The following CSMD2 variants were observed in gnomAD, a reference collection of about 807,000 sequenced individuals.
The protein encoded by CSMD2 is CUB and sushi domain-containing protein 2.
Under a neutral mutation model 398.5 loss-of-function variants are expected in CSMD2, and 130 were observed. The observed-to-expected ratio is 0.33, with a 90% CI of 0.28 to 0.38. The LOEUF (loss-of-function observed/expected upper bound fraction) is 0.38, where lower values mean the gene tolerates loss of function less well. Ranked by LOEUF, CSMD2 falls within the 10% of genes least tolerant of loss-of-function variation. CSMD2 has a pLI of 1.00. For synonymous variants in CSMD2, 1,828 were observed against 1,908.5 expected, an observed-to-expected ratio of 0.96 and a Z score of 1.10; for missense variants, 3,829 against 4,764.9, an observed-to-expected ratio of 0.80 and a Z score of 5.78.
At chr1:33,549,926 C>T (rs989251218) in intron 56 of CSMD2, among the ~76,000 whole-genome samples, 3 of 152,154 alleles carry the variant, frequency 2.0e-5, no homozygotes, top group African/African-American at 7.2e-5. Context: ...AAAGTTGTGC[C>T]CCTCCTAGTT....
chr1:33,912,987 A>AT (rs1319762225), intron 5 of CSMD2, among the ~76,000 whole-genome samples: 2 of 151,616 alleles, frequency 1.3e-5, no homozygotes, highest in African/African-American at 4.9e-5. Flanking sequence ...TAATTTTTGT[A>AT]TTTTTTGTAG....
At chr1:33,608,237 C>G (rs1020156671) in intron 41 of CSMD2, among the ~76,000 whole-genome samples, 5 of 152,172 alleles carry the variant, frequency 3.3e-5, no homozygotes, top group Non-Finnish European at 7.3e-5. Flanking sequence ...GTCACACAGG[C>G]ACAACCTTTA....
chr1:33,980,240 C>T (rs1646119292), intron 3 of CSMD2, among the ~76,000 whole-genome samples: 1 of 152,172 alleles, frequency 6.6e-6, no homozygotes, highest in South Asian at 2.1e-4. Flanking sequence ...CATCTTAGAA[C>T]CCAAATCCCT....
chr1:33,961,851 G>C (rs1238836516), intron 3 of CSMD2, among the ~76,000 whole-genome samples: 1 of 152,118 alleles, frequency 6.6e-6, no homozygotes, highest in Non-Finnish European at 1.5e-5. Flanking sequence ...CTGGCACTAT[G>C]CTTCATGTAC....
intron 3 of CSMD2, among the ~76,000 whole-genome samples, chr1:34,027,873 TACATGGGCA>T (rs1649868794): frequency 1.4e-5 from 1 of 70,008 alleles, no homozygotes; most frequent in Non-Finnish European, 3.5e-5. Flanking sequence ...CAGACAGCCC[TACATGGGCA>T]GAGCAGGACA....
chr1:33,799,487 G>A (rs965721829), intron 10 of CSMD2, among the ~76,000 whole-genome samples: 6 of 152,190 alleles, frequency 3.9e-5, no homozygotes, highest in African/African-American at 1.2e-4. Flanking sequence ...GAACACCATG[G>A]ATAGTGGGTT....
intron 4 of CSMD2, among the ~76,000 whole-genome samples, chr1:33,918,503 T>C (rs1329283624): frequency 6.6e-6 from 1 of 152,018 alleles, no homozygotes; most frequent in East Asian, 1.9e-4. Context: ...TAGAGCTGGG[T>C]TTTGATGAAT....
At chr1:33,781,744 A>G (rs1652794182) in intron 12 of CSMD2, among the ~76,000 whole-genome samples, 1 of 152,202 alleles carries the variant, frequency 6.6e-6, no homozygotes, top group South Asian at 2.1e-4. Flanking sequence ...GTTTCTGGTA[A>G]GTGCTAATTG....
intron 3 of CSMD2, among the ~76,000 whole-genome samples, chr1:33,969,143 A>G (rs1645664855): frequency 6.6e-6 from 1 of 152,244 alleles, no homozygotes; most frequent in African/African-American, 2.4e-5. Context: ...AACAAGGACC[A>G]AATCCTGGGG....
intron 1 of CSMD2, among the ~76,000 whole-genome samples, chr1:34,119,309 TA>T (rs1661925800): frequency 6.6e-6 from 1 of 152,144 alleles, no homozygotes; most frequent in African/African-American, 2.4e-5. Context: ...CCTGAAACTA[TA>T]AAATTCCTAG....
Position 33,614,538 on chromosome 1 carries a change from G to T in CSMD2, c.6099C>A (p.Asp2033Glu). The T allele has an allele frequency of 1.2e-6, 2 of 1,611,018 alleles. No individual in the cohort carries two copies. The highest frequency in any genetic ancestry group is 1.7e-6 in the Non-Finnish European group (2 of 1,177,520). The change falls in exon 40 of 71, where the codon GAC becomes GAA. Residue 2033 changes from aspartate to glutamate, a missense_variant. Physicochemically the swap from Asp to Glu is conservative, Grantham distance 45 (BLOSUM62 2). Coordinates refer to ENST00000373381, the MANE Select transcript of CSMD2 (RefSeq NM_001281956.2). ...CGGGCAGTGCTATTTTCCAGGAGCA[G>T]TCCATGTTACTGGGGTAGTTGCCTG... ...GFPGNYPSNM[D>E]CSWKIALPVG...
chr1:33,612,682 G>GTTT (rs36051513), intron 40 of CSMD2, among the ~76,000 whole-genome samples: 2 of 132,146 alleles, frequency 1.5e-5, no homozygotes, highest in Non-Finnish European at 1.6e-5. Flanking sequence ...TTTTGTGATG[G>GTTT]TTTTTTTTTT....
In CSMD2 at chr1:34,095,703, A is replaced by T. The variant is rs1036842322; in HGVS notation, c.188-6510T>A. Among the ~76,000 whole-genome samples the T allele has an allele frequency of 1.8e-3, 278 of 151,708 alleles. 2 individuals are homozygous for T. The highest frequency in any genetic ancestry group is 3.2e-3 in the Admixed American group (48 of 15,234). On this transcript the variant is annotated intron_variant, in intron 1 of 70. Coordinates refer to ENST00000373381, the MANE Select transcript of CSMD2 (RefSeq NM_001281956.2). ...TGGACACATACACTCTCCCAAGACTAAACCAGGAAGAAGTTGAATCTCTGA... is the reference window on the plus strand; with the variant it reads ...TGGACACATACACTCTCCCAAGACTTAACCAGGAAGAAGTTGAATCTCTGA...
chr1:34,114,091 T>C (rs1661363251), intron 1 of CSMD2, among the ~76,000 whole-genome samples: 1 of 152,070 alleles, frequency 6.6e-6, no homozygotes, highest in African/African-American at 2.4e-5. Context: ...CCAGAGAACC[T>C]GAGTACCATA....
intron 17 of CSMD2, 137 bp from the exon 18 acceptor site, chr1:33,724,841 C>T: frequency 1.3e-6 from 1 of 793,262 alleles, no homozygotes; most frequent in South Asian, 1.8e-5. Context: ...TGAAATGTGG[C>T]CGTCAGAATT....
intron 24 of CSMD2, among the ~76,000 whole-genome samples, chr1:33,695,531 T>C (rs1645394127): frequency 6.6e-6 from 1 of 152,140 alleles, no homozygotes; most frequent in Admixed American, 6.5e-5. Context: ...CTCCCCGACA[T>C]CTAATCTGCC....
At chr1:33,655,048 C>T (rs1227637345) in intron 27 of CSMD2, among the ~76,000 whole-genome samples, 1 of 152,232 alleles carries the variant, frequency 6.6e-6, no homozygotes, top group African/African-American at 2.4e-5. Flanking sequence ...CCCTGGGCTG[C>T]CTCGCCAACA....
intron 5 of CSMD2, among the ~76,000 whole-genome samples, chr1:33,871,526 T>A (rs931944952): frequency 1.4e-4 from 21 of 152,192 alleles, no homozygotes; most frequent in Admixed American, 1.4e-3. Context: ...GAGTCCAAGG[T>A]CAAAGGGCTG....
chr1:33,847,909 A>AG (rs1170059555), intron 5 of CSMD2, among the ~76,000 whole-genome samples: 1 of 152,180 alleles, frequency 6.6e-6, no homozygotes, highest in East Asian at 1.9e-4. Flanking sequence ...GGCAATAACA[A>AG]GCTGTCAGTA....
Sources: gnomAD v4.1 joint callset for allele counts (sites outside exome capture counted in the v4.1 genomes callset) on GRCh38, gnomAD v4.1.1 for gene constraint, MANE v1.5 for transcripts, NCBI Gene and HGNC (gene_info 2026-07-23, HGNC 2026-07-21) for gene names.